The following POU6F2 variants were observed in gnomAD, a reference collection of about 807,000 sequenced individuals.
POU6F2 encodes the protein POU class 6 homeobox 2.
In POU6F2, 31 loss-of-function variants were observed where a neutral mutation model predicts 71.3. That is an observed-to-expected ratio of 0.43 (90% CI 0.33 to 0.59). The LOEUF (loss-of-function observed/expected upper bound fraction) is 0.59. POU6F2 is among the 20% of genes least tolerant of loss of function. The probability of loss-of-function intolerance (pLI) is 0.04; values close to 1 mark genes in which losing one functional copy is unlikely to be tolerated. For synonymous variants in POU6F2, 347 were observed against 355.7 expected, an observed-to-expected ratio of 0.98 and a Z score of 0.27; for missense variants, 783 against 856.8, an observed-to-expected ratio of 0.91 and a Z score of 1.07.
chr7:39,015,700 T>TATAGAGATATATAACATATAGATATA (rs1554308029), intron 1 of POU6F2, among the ~76,000 whole-genome samples: 9 of 84,486 alleles, frequency 1.1e-4, no homozygotes, highest in East Asian at 2.8e-4. Context: ...CTATATATTA[T>TATAGAGATATATAACATATAGATATA]ATATATCTAT....
chr7:39,125,798 G>A (rs1022742160), intron 2 of POU6F2, among the ~76,000 whole-genome samples: 2 of 151,940 alleles, frequency 1.3e-5, no homozygotes, highest in Non-Finnish European at 2.9e-5. Flanking sequence ...CTCTTCCCTT[G>A]CCTTGCCTTT....
At chr7:38,987,146 T>A (rs1168548916) in intron 1 of POU6F2, among the ~76,000 whole-genome samples, 1 of 152,134 alleles carries the variant, frequency 6.6e-6, no homozygotes, top group African/African-American at 2.4e-5. Context: ...GAGAGAAGGT[T>A]AAGTGTAATG....
At chr7:39,289,025 A>C (rs563640444) in intron 4 of POU6F2, among the ~76,000 whole-genome samples, 1 of 152,306 alleles carries the variant, frequency 6.6e-6, no homozygotes, top group Non-Finnish European at 1.5e-5. Flanking sequence ...CTTCCCCTAA[A>C]CTGGAGCTAC....
rs1788147229 is a variant in POU6F2, at chr7:39,433,074, C to T, written c.1114-3C>T. 3 of 1,612,490 alleles carry T rather than the reference C, an allele frequency of 1.9e-6. No individual in the cohort carries two copies. The highest frequency in any genetic ancestry group is 2.5e-6 in the Non-Finnish European group (3 of 1,178,978). On this transcript the variant is annotated splice_region_variant and splice_polypyrimidine_tract_variant and intron_variant, in intron 6 of 9. Coordinates refer to ENST00000518318, the MANE Select transcript of POU6F2 (RefSeq NM_001370959.1). ...GCTCCTCACCTTTGGCCCTCTCTTG[C>T]AGATTATCGGGACCATTCCACTGAT...
At chr7:39,234,632 G>A (rs1368709091) in intron 4 of POU6F2, among the ~76,000 whole-genome samples, 1 of 152,096 alleles carries the variant, frequency 6.6e-6, no homozygotes, top group Non-Finnish European at 1.5e-5. Context: ...TCTATTGGCT[G>A]CTTCATATGC....
At chr7:39,180,785 G>A (rs922318952) in intron 2 of POU6F2, among the ~76,000 whole-genome samples, 6 of 152,042 alleles carry the variant, frequency 3.9e-5, no homozygotes, top group African/African-American at 1.4e-4. Context: ...CCCATTACTG[G>A]CTTCAGTTTC....
intron 1 of POU6F2, among the ~76,000 whole-genome samples, chr7:39,010,421 T>A (rs1789238401): frequency 6.6e-6 from 1 of 151,474 alleles, no homozygotes; most frequent in African/African-American, 2.4e-5. Context: ...TCTTTTTTTC[T>A]TTATTAGTCT....
At chr7:39,293,419 T>A (rs1431780970) in intron 4 of POU6F2, among the ~76,000 whole-genome samples, 1 of 152,190 alleles carries the variant, frequency 6.6e-6, no homozygotes, top group Non-Finnish European at 1.5e-5. Context: ...AAGATGTAGT[T>A]ATCTGCAGTC....
Position 39,085,879 on chromosome 7 carries a change from A to G in POU6F2, c.125A>G (p.Gln42Arg), listed in dbSNP as rs1334508309. Residue 42 changes from glutamine (Q) to arginine (R), a missense_variant, in exon 2 of 10, where the codon CAA becomes CGA. Transcript: ENST00000518318. ...TCCTAGGATCCAATGATAGCTGGACAAGTCAGTAAGCCCTTGCTGTCAGTG... is the reference window on the plus strand; with the variant it reads ...TCCTAGGATCCAATGATAGCTGGACGAGTCAGTAAGCCCTTGCTGTCAGTG... ...VIGQDPMIAG[Q>R]VSKPLLSVRS... 1.2e-6 allele frequency: 2 copies of G among 1,613,412 alleles called. No homozygotes were observed. The highest frequency in any genetic ancestry group is 2.7e-5 in the African/African-American group (2 of 74,842).
chr7:39,263,669 ACACG>A (rs1165717071), intron 4 of POU6F2, among the ~76,000 whole-genome samples: 5 of 97,714 alleles, frequency 5.1e-5, no homozygotes, highest in East Asian at 3.3e-4. Context: ...TCACGCACAC[ACACG>A]CACACACACA....
rs142133952 is a variant in POU6F2, at chr7:39,448,659, T to G, written c.1321-2874T>G. ...TCTTAATTTAAGCAATATTGCAGTC[T>G]AGTAATTTTTTCTTTATTGTGTTGT... On this transcript the variant is annotated intron_variant, in intron 7 of 9. Transcript: ENST00000518318. Among the ~76,000 whole-genome samples the G allele has an allele frequency of 8.4e-3, 1,282 of 152,340 alleles. 20 individuals carry two copies. Among genetic ancestry groups the G allele is most frequent in the African/African-American group, 0.029 (1,211 of 41,582 alleles).
rs76245301 is a variant in POU6F2, at chr7:39,099,769, G to A, written c.277+13738G>A. Among the ~76,000 whole-genome samples the A allele has an allele frequency of 5.1e-3, 784 of 152,276 alleles. 6 individuals are homozygous for A. Among genetic ancestry groups the A allele is most frequent in the African/African-American group, 0.018 (745 of 41,558 alleles). ...AAATAAGATGCCTGCACATGGTGGT[G>A]TTTAATAATGAAAGCCCCTTCCCCT... On this transcript the variant is annotated intron_variant, in intron 2 of 9. Coordinates refer to ENST00000518318, the MANE Select transcript of POU6F2 (RefSeq NM_001370959.1).
Position 39,381,650 on chromosome 7 carries a change from A to G in POU6F2, c.973-24950A>G, listed in dbSNP as rs565908125. Among the ~76,000 whole-genome samples, 12 of 152,336 alleles carry G rather than the reference A, an allele frequency of 7.9e-5. No homozygotes were observed. In the South Asian group the frequency reaches 1.0e-3, roughly 13 times the overall value. ...CAAAGCAACTTTCAAGAGAACCCCA[A>G]TGAAGTCTTTTGCTATGAGTTGCAA... is the stretch of plus-strand genomic sequence containing the variant. On this transcript the variant is annotated intron_variant, in intron 5 of 9. Transcript: ENST00000518318.
intron 1 of POU6F2, among the ~76,000 whole-genome samples, chr7:39,015,700 T>G (rs1199460005): frequency 1.2e-5 from 1 of 84,476 alleles, no homozygotes. Context: ...CTATATATTA[T>G]ATATATCTAT....
At chr7:39,199,662 A>T (rs2128744679) in intron 2 of POU6F2, among the ~76,000 whole-genome samples, 1 of 152,126 alleles carries the variant, frequency 6.6e-6, no homozygotes, top group East Asian at 1.9e-4. Flanking sequence ...TCAGGTGGTC[A>T]CCCCCTCACC....
chr7:39,062,195 A>C (rs1168011768), intron 1 of POU6F2, among the ~76,000 whole-genome samples: 2 of 152,130 alleles, frequency 1.3e-5, no homozygotes, highest in Non-Finnish European at 2.9e-5. Flanking sequence ...CCTGAATACA[A>C]ATGTCAACAC....
chr7:39,148,923 T>C (rs1181893667), intron 2 of POU6F2, among the ~76,000 whole-genome samples: 3 of 152,144 alleles, frequency 2.0e-5, no homozygotes, highest in African/African-American at 4.8e-5. Context: ...GTCAGTAAAG[T>C]GTGGAAGGAC....
At chr7:39,288,745 G>A (rs1171139299) in intron 4 of POU6F2, among the ~76,000 whole-genome samples, 1 of 152,144 alleles carries the variant, frequency 6.6e-6, no homozygotes, top group Non-Finnish European at 1.5e-5. Context: ...GAATCAGAGT[G>A]TCTGGCACAT....
At chr7:39,123,286 CAG>C (rs1792081976) in intron 2 of POU6F2, among the ~76,000 whole-genome samples, 1 of 152,202 alleles carries the variant, frequency 6.6e-6, no homozygotes, top group African/African-American at 2.4e-5. Context: ...GTTCCTATGG[CAG>C]TGAATACACA....
Sources: gnomAD v4.1 joint callset for allele counts (sites outside exome capture counted in the v4.1 genomes callset) on GRCh38, gnomAD v4.1.1 for gene constraint, MANE v1.5 for transcripts, NCBI Gene and HGNC (gene_info 2026-07-23, HGNC 2026-07-21) for gene names.